Variants in PIK3R1 observed in about 807,000 individuals in gnomAD.
The protein encoded by PIK3R1 is phosphoinositide-3-kinase regulatory subunit 1.
A neutral mutation model predicts 98.0 loss-of-function variants in PIK3R1; 29 were observed. The ratio of observed to expected loss-of-function variants is 0.30; its 90% confidence interval spans 0.22 to 0.40. PIK3R1 has a LOEUF of 0.40. Among genes scored for constraint, PIK3R1 ranks in the 10% least tolerant of loss-of-function variants. PIK3R1 has a pLI of 1.00. For synonymous variants in PIK3R1, 282 were observed against 311.8 expected, an observed-to-expected ratio of 0.90 and a Z score of 1.01; for missense variants, 596 against 872.7, an observed-to-expected ratio of 0.68 and a Z score of 3.99.
chr5:68,279,864 C>A, intron 5 of PIK3R1, 131 bp downstream of exon 5: 2 of 840,848 alleles, frequency 2.4e-6, no homozygotes, highest in Non-Finnish European at 3.7e-6. Flanking sequence ...CCAACAATAC[C>A]ACCTCAAATT....
In PIK3R1 at chr5:68,301,444, A is replaced by ATATATATATATATATATATGTGTGTG. The variant is rs1561308632; in HGVS notation, c.*3854_*3855insATATATATGTGTGTGTATATATATAT. The ATATATATATATATATATATGTGTGTG allele has an allele frequency of 5.3e-5, 6 of 112,448 alleles. No individual in the cohort carries two copies. The highest frequency in any genetic ancestry group is 2.7e-4 in the South Asian group (1 of 3,720). The allele number at this position is 112,448 out of a possible 1,614,324, so 7.0% of individuals were successfully genotyped here. On this transcript the variant is annotated 3_prime_UTR_variant, in exon 16 of 16. Coordinates refer to ENST00000521381, the MANE Select transcript of PIK3R1 (RefSeq NM_181523.3). ...TATATATATATATATGTGTGTGTAT[A>ATATATATATATATATATATGTGTGTG]TATATATATATGTGTATATATATAT...
intron 2 of PIK3R1, among the ~76,000 whole-genome samples, chr5:68,267,624 C>T (rs768891002): frequency 1.3e-5 from 2 of 151,890 alleles, no homozygotes; most frequent in Non-Finnish European, 2.9e-5. Context: ...TTTTCAGTTG[C>T]GCATACTTTT....
intron 7 of PIK3R1, chr5:68,291,092 T>C: frequency 2.7e-6 from 1 of 366,822 alleles, no homozygotes; most frequent in Admixed American, 4.6e-5. Context: ...CTGGTGTCTT[T>C]TGTTAATCGA....
In PIK3R1 at chr5:68,263,209, A is replaced by G. The variant is rs1745974102; in HGVS notation, c.335-10181A>G. ...CATATATCTACATATATATCTATAT[A>G]TATATTTCTACATATATATCTATAT... On this transcript the variant is annotated intron_variant, in intron 2 of 15. Coordinates refer to ENST00000521381, the MANE Select transcript of PIK3R1 (RefSeq NM_181523.3). Among the ~76,000 whole-genome samples the G allele has an allele frequency of 6.1e-5, 8 of 131,320 alleles. No individual in the cohort carries two copies. In the South Asian group the frequency reaches 1.9e-3, roughly 31 times the overall value. The allele number at this position is 131,320 out of a possible 152,430, so 86.2% of individuals were successfully genotyped here. A position where few individuals can be genotyped will look rare whatever the true frequency, so the allele number is the denominator to read the frequency against.
At chr5:68,237,976 GA>G (rs939779159) in intron 2 of PIK3R1, among the ~76,000 whole-genome samples, 1 of 152,158 alleles carries the variant, frequency 6.6e-6, no homozygotes, top group African/African-American at 2.4e-5. Context: ...TCACAACTTA[GA>G]AAATAACCAG....
At chr5:68,222,094 C>A (rs1387222048) in intron 1 of PIK3R1, among the ~76,000 whole-genome samples, 1 of 152,150 alleles carries the variant, frequency 6.6e-6, no homozygotes, top group Non-Finnish European at 1.5e-5. Flanking sequence ...ATATAAAAAG[C>A]CTTTGCTATG....
At chr5:68,239,691 G>C (rs1253921502) in intron 2 of PIK3R1, among the ~76,000 whole-genome samples, 1 of 152,206 alleles carries the variant, frequency 6.6e-6, no homozygotes, top group Non-Finnish European at 1.5e-5. Context: ...GGCGCCGGGG[G>C]TTAATGTTCA....
Position 68,301,603 on chromosome 5 carries a change from GA to G in PIK3R1, c.*4003del, listed in dbSNP as rs1455220176. ...AATGTTTTTAAAAATCTGTTTATAT[GA>G]CATTGTTAAAATAAAGTTGGTCTTT... On this transcript the variant is annotated 3_prime_UTR_variant, in exon 16 of 16. Coordinates refer to ENST00000521381, the MANE Select transcript of PIK3R1 (RefSeq NM_181523.3). 1.3e-5 allele frequency: 2 copies of G among 155,876 alleles called. No individual in the cohort carries two copies. The highest frequency in any genetic ancestry group is 5.2e-5 in the African/African-American group (2 of 38,748). 9.7% of individuals were successfully genotyped at this position (155,876 alleles called of 1,614,324 possible). A position where few individuals can be genotyped will look rare whatever the true frequency, so the allele number is the denominator to read the frequency against.
At chr5:68,267,971 A>T (rs1216617069) in intron 2 of PIK3R1, among the ~76,000 whole-genome samples, 1 of 152,166 alleles carries the variant, frequency 6.6e-6, no homozygotes, top group Non-Finnish European at 1.5e-5. Flanking sequence ...CTGCAATTGC[A>T]ATCGGGTATT....
At chr5:68,217,290 A>G (rs552765439) in intron 1 of PIK3R1, among the ~76,000 whole-genome samples, 2 of 152,262 alleles carry the variant, frequency 1.3e-5, no homozygotes, top group African/African-American at 4.8e-5. Context: ...TAGTTCTGTT[A>G]CGTTTTGGCA....
Position 68,230,098 on chromosome 5 carries a change from C to T in PIK3R1, c.334+3089C>T, listed in dbSNP as rs573275506. 1.1e-4 allele frequency among the ~76,000 whole-genome samples: 16 copies of T among 152,316 alleles called. No homozygotes were observed. In the South Asian group the frequency reaches 3.3e-3, roughly 32 times the overall value. ...CACCTTTGGAGCTGTGCTTTTTCTC[C>T]TCTGCTAGTACAGCTCTTCCCCTAG... On this transcript the variant is annotated intron_variant, in intron 2 of 15. Coordinates refer to ENST00000521381, the MANE Select transcript of PIK3R1 (RefSeq NM_181523.3).
At position 68,295,471 on chromosome 5, in the gene PIK3R1, C is replaced by T. The variant is rs1181867369; in HGVS notation, c.1797C>T (p.Gly599=). The change falls in exon 14 of 16, where the codon GGC becomes GGT. Residue 599 remains glycine (G), a synonymous_variant. Coordinates refer to ENST00000521381, the MANE Select transcript of PIK3R1 (RefSeq NM_181523.3). Reference sequence around the variant, plus strand: ...AAAAGAAGTTGAACGAGTGGTTGGGCAATGAAAACACTGAAGAGTAAGTAG... The same window carrying T: ...AAAAGAAGTTGAACGAGTGGTTGGGTAATGAAAACACTGAAGAGTAAGTAG... ...VRQKKLNEWL[G]NENTEDQYSL... The T allele has an allele frequency of 6.2e-7, 1 of 1,613,768 alleles. No individual in the cohort carries two copies. The highest frequency in any genetic ancestry group is 1.3e-5 in the African/African-American group (1 of 74,888).
In PIK3R1 at chr5:68,293,354, T is replaced by C. The variant is rs17847317; in HGVS notation, c.1170T>C (p.Tyr390=). 593 of 1,613,392 alleles carry C rather than the reference T, an allele frequency of 3.7e-4. 3 individuals are homozygous for C. In the East Asian group the frequency reaches 0.012, roughly 34 times the overall value. ...LIKIFHRDGK[Y]GFSDPLTFSS... ...AAATATTTCATCGAGATGGGAAATA[T>C]GGCTTCTCTGACCCATTAACCTTCA... The change falls in exon 10 of 16, where the codon TAT becomes TAC. Residue 390 remains tyrosine, a synonymous_variant. Coordinates refer to ENST00000521381, the MANE Select transcript of PIK3R1 (RefSeq NM_181523.3).
chr5:68,273,698 A>T (rs1746456276), intron 3 of PIK3R1: 1 of 592,546 alleles, frequency 1.7e-6, no homozygotes, highest in African/African-American at 1.9e-5. Flanking sequence ...CCATATGGAA[A>T]CTATTAAATT....
chr5:68,262,777 G>A (rs376186733), intron 2 of PIK3R1, among the ~76,000 whole-genome samples: 1 of 103,110 alleles, frequency 9.7e-6, no homozygotes, highest in Non-Finnish European at 2.0e-5. Flanking sequence ...ACATGTAGAT[G>A]CATGTAGATA....
In PIK3R1 at chr5:68,293,715, G is replaced by A. The variant is rs2112262205; in HGVS notation, c.1306G>A (p.Val436Ile). The A allele has an allele frequency of 6.9e-7, 1 of 1,450,298 alleles. No homozygotes were observed. The highest frequency in any genetic ancestry group is 9.5e-7 in the Non-Finnish European group (1 of 1,051,532). The allele number at this position is 1,450,298 out of a possible 1,614,324, so 89.8% of individuals were successfully genotyped here. Residue 436 changes from valine to isoleucine, a missense_variant, in exon 11 of 16, where the codon GTT (valine) becomes ATT (isoleucine). Physicochemically the swap from Val to Ile is conservative, Grantham distance 29. Around this residue, in one of 3 missense-constraint regions of PIK3R1, gnomAD observed 207 missense variants for 361.4 expected, o/e 0.57. Coordinates refer to ENST00000521381, the MANE Select transcript of PIK3R1 (RefSeq NM_181523.3). Reference protein sequence around the residue: ...YPVSKYQQDQVVKEDNIEAVG... With the variant: ...YPVSKYQQDQIVKEDNIEAVG... ...TTTATTTTAATCTTTCTAGGATCAAGTTGTCAAAGAAGATAATATTGAAGC... is the reference window on the plus strand; with the variant it reads ...TTTATTTTAATCTTTCTAGGATCAAATTGTCAAAGAAGATAATATTGAAGC...
At chr5:68,262,523 TAC>T (rs1198070230) in intron 2 of PIK3R1, among the ~76,000 whole-genome samples, 1 of 85,586 alleles carries the variant, frequency 1.2e-5, no homozygotes, top group African/African-American at 5.5e-5. Flanking sequence ...TACATATAGA[TAC>T]ATAGCTATAT....
At chr5:68,279,495 A>ATTT (rs58796984) in intron 4 of PIK3R1, 107 bp from the exon 5 acceptor site, 17 of 674,154 alleles carry the variant, frequency 2.5e-5, no homozygotes, top group Middle Eastern at 3.1e-4. Flanking sequence ...TTGCTTCCTT[A>ATTT]TTTTTTTTTT....
At chr5:68,244,512 A>ACCCC (rs1554046303) in intron 2 of PIK3R1, among the ~76,000 whole-genome samples, 1 of 20,950 alleles carries the variant, frequency 4.8e-5, no homozygotes. Flanking sequence ...TTTCTCTAGG[A>ACCCC]CCGCCCCCCC....
Sources: gnomAD v4.1 joint callset for allele counts (sites outside exome capture counted in the v4.1 genomes callset) on GRCh38, gnomAD v4.1.1 for gene constraint, gnomAD v4.1.1 regional missense constraint, MANE v1.5 for transcripts, NCBI Gene and HGNC (gene_info 2026-07-23, HGNC 2026-07-21) for gene names.